Variants in PCDHGA5 observed in about 807,000 individuals in gnomAD.
PCDHGA5 encodes the protein protocadherin gamma-A5.
Under a neutral mutation model 56.7 loss-of-function variants are expected in PCDHGA5, and 36 were observed. That is an observed-to-expected ratio of 0.64 (90% CI 0.49 to 0.84). PCDHGA5 has a LOEUF of 0.84. Ranked by LOEUF, PCDHGA5 falls within the 40% of genes least tolerant of loss-of-function variation. PCDHGA5 has a pLI of 0.00. For synonymous variants in PCDHGA5, 563 were observed against 520.2 expected (o/e 1.08, Z -1.12); for missense variants, 1,305 against 1,201.5 (o/e 1.09, Z -1.27).
chr5:141,420,525 C>T (rs895355117), intron 1 of PCDHGA5: 2 of 358,086 alleles, frequency 5.6e-6, no homozygotes, highest in South Asian at 2.1e-4. Flanking sequence ...AAATACCTTT[C>T]GGTTAAAAAT....
chr5:141,420,080 C>T (rs754438863), intron 1 of PCDHGA5: 2 of 1,614,010 alleles, frequency 1.2e-6, no homozygotes, highest in Non-Finnish European at 1.7e-6. Context: ...TGTGGGTCCC[C>T]CCAACTACAG....
At chr5:141,454,331 T>G (rs1244660733) in intron 1 of PCDHGA5, among the ~76,000 whole-genome samples, 1 of 152,180 alleles carries the variant, frequency 6.6e-6, no homozygotes, top group Non-Finnish European at 1.5e-5. Context: ...CAAGAATAAA[T>G]AAAATGTTGG....
chr5:141,399,465 G>A, intron 1 of PCDHGA5: 1 of 1,614,014 alleles, frequency 6.2e-7, no homozygotes, highest in Non-Finnish European at 8.5e-7. Context: ...ATAACGCTCC[G>A]GTTTTCCACC....
At position 141,489,481 on chromosome 5, in the gene PCDHGA5, A is replaced by C; in HGVS notation, c.2422-5326A>C. 6.2e-7 allele frequency: 1 copy of C among 1,614,040 alleles called. No homozygotes were observed. The highest frequency in any genetic ancestry group is 8.5e-7 in the Non-Finnish European group (1 of 1,180,004). ...GCGCTATTTTTCCCTGAGCTTGATG[A>C]GTGGTGCCCTGGCAGTGAATCAAAA... is the stretch of plus-strand genomic sequence containing the variant. On this transcript the variant is annotated intron_variant, in intron 1 of 3. Transcript: ENST00000518069. The surrounding 1 kb of genome is among the most constrained non-coding windows in gnomAD (Gnocchi z 4.5).
At chr5:141,441,368 G>A (rs1215599443) in intron 1 of PCDHGA5, 2 of 152,598 alleles carry the variant, frequency 1.3e-5, no homozygotes, top group African/African-American at 2.4e-5. Flanking sequence ...TGGGGCCGTG[G>A]ACCAGGAACA....
chr5:141,366,041 G>C lies in PCDHGA5; in HGVS notation c.1711G>C (p.Gly571Arg). Residue 571 changes from glycine (G) to arginine (R), a missense_variant, in exon 1 of 4, where the codon GGT (glycine) becomes CGT (arginine). Gly to Arg is a moderately radical substitution (Grantham distance 125). Transcript: ENST00000518069. Reference protein sequence around the residue: ...EILYPALPTDGSTGVELAPRS... With the variant: ...EILYPALPTDRSTGVELAPRS... ...CCTGTACCCCGCCCTCCCCACAGAC[G>C]GTTCCACGGGCGTGGAGCTGGCGCC... is the stretch of plus-strand genomic sequence containing the variant. The C allele has an allele frequency of 6.2e-7, 1 of 1,614,232 alleles. No individual in the cohort carries two copies. The highest frequency in any genetic ancestry group is 8.5e-7 in the Non-Finnish European group (1 of 1,180,038).
Position 141,366,052 on chromosome 5 carries a change from C to A in PCDHGA5, c.1722C>A (p.Gly574=), listed in dbSNP as rs1237553025. The change falls in exon 1 of 4, where the codon GGC becomes GGA. Residue 574 remains glycine, a synonymous_variant. Coordinates refer to ENST00000518069, the MANE Select transcript of PCDHGA5 (RefSeq NM_018918.3). ...YPALPTDGST[G]VELAPRSAEP... is the part of the protein sequence containing the mutation. ...CCCTCCCCACAGACGGTTCCACGGG[C>A]GTGGAGCTGGCGCCTCGCTCCGCAG... 1.2e-6 allele frequency: 2 copies of A among 1,614,248 alleles called. No homozygotes were observed. The highest frequency in any genetic ancestry group is 1.7e-5 in the Admixed American group (1 of 60,038).
At position 141,511,127 on chromosome 5, in the gene PCDHGA5, G is replaced by C; in HGVS notation, c.2750G>C (p.Gly917Ala). 1 of 1,614,194 alleles carries C rather than the reference G, an allele frequency of 6.2e-7. No individual in the cohort carries two copies. Among genetic ancestry groups the C allele is most frequent in the Non-Finnish European group, 8.5e-7 (1 of 1,180,018 alleles). The change falls in exon 4 of 4, where the codon GGT becomes GCT. Residue 917 changes from glycine to alanine, a missense_variant. Coordinates refer to ENST00000518069, the MANE Select transcript of PCDHGA5 (RefSeq NM_018918.3). ...AGKRDGKAPA[G>A]GNGNKKKSGK... ...AAGCGGGATGGCAAGGCCCCAGCAG[G>C]TGGCAATGGCAACAAGAAGAAGTCG...
intron 1 of PCDHGA5, chr5:141,421,647 G>C: frequency 6.2e-7 from 1 of 1,613,872 alleles, no homozygotes; most frequent in South Asian, 1.1e-5. Context: ...ACGAAGTGGA[G>C]ATAAAAGTCA....
Position 141,364,613 on chromosome 5 carries a change from C to G in PCDHGA5, c.283C>G (p.Leu95Val), listed in dbSNP as rs776128638. 7 of 1,614,052 alleles carry G rather than the reference C, an allele frequency of 4.3e-6. No homozygotes were observed. The East Asian group carries it at 1.6e-4, about 36-fold the overall frequency. The change falls in exon 1 of 4, where the codon CTC becomes GTC. Residue 95 changes from leucine to valine, a missense_variant. By Grantham distance (32) the Leu-to-Val change is conservative. Coordinates refer to ENST00000518069, the MANE Select transcript of PCDHGA5 (RefSeq NM_018918.3). The part of the protein sequence containing the change: ...VTAGRIDREE[L>V]CAQSPLCVVN... ...CGCGGGCAGGATAGACCGGGAGGAGCTCTGCGCTCAGAGCCCACTGTGTGT... is the reference window on the plus strand; with the variant it reads ...CGCGGGCAGGATAGACCGGGAGGAGGTCTGCGCTCAGAGCCCACTGTGTGT...
intron 1 of PCDHGA5, chr5:141,372,088 C>G: frequency 1.9e-6 from 3 of 1,613,762 alleles, no homozygotes; most frequent in Non-Finnish European, 2.5e-6. Flanking sequence ...GTGCTGTACC[C>G]AGCTCTGGGG....
intron 1 of PCDHGA5, chr5:141,389,183 T>C: frequency 6.2e-7 from 1 of 1,613,988 alleles, no homozygotes. Context: ...TCTCCTCCAG[T>C]TCCAGCATCA....
In PCDHGA5 at chr5:141,485,636, G is replaced by A. The variant is rs371040974; in HGVS notation, c.2422-9171G>A. The A allele has an allele frequency of 6.2e-7, 1 of 1,611,922 alleles. No homozygotes were observed. The highest frequency in any genetic ancestry group is 1.1e-5 in the South Asian group (1 of 90,964). On this transcript the variant is annotated intron_variant, in intron 1 of 3. Transcript: ENST00000518069. This position sits in a 1 kb window ranked among gnomAD's most constrained non-coding sequence, Gnocchi z 5.7. ...TCCTCCAGGACAGCGTTTCCCGTTG[G>A]AAAAGGCTCAGGATGCAGATGTGGG...
intron 1 of PCDHGA5, among the ~76,000 whole-genome samples, chr5:141,460,709 A>G (rs2098995845): frequency 6.6e-6 from 1 of 151,794 alleles, no homozygotes; most frequent in Non-Finnish European, 1.5e-5. Flanking sequence ...ATGAGAATAA[A>G]CTATTGTTAT....
At chr5:141,502,483 G>A (rs773081419) in intron 2 of PCDHGA5, among the ~76,000 whole-genome samples, 42 of 152,144 alleles carry the variant, frequency 2.8e-4, no homozygotes, top group Non-Finnish European at 4.7e-4. Context: ...GCATCACACT[G>A]GGACTCATCT....
At position 141,410,285 on chromosome 5, in the gene PCDHGA5, G is replaced by T. The variant is rs746596172; in HGVS notation, c.2421+43534G>T. 7 of 1,614,010 alleles carry T rather than the reference G, an allele frequency of 4.3e-6. No homozygotes were observed. The Admixed American group carries it at 1.2e-4, about 27-fold the overall frequency. ...TGAACTGCAGTTTTACCTGGTGGTGGCCTTGGCCTTAATCTCAGTGCTCTT... is the reference window on the plus strand; with the variant it reads ...TGAACTGCAGTTTTACCTGGTGGTGTCCTTGGCCTTAATCTCAGTGCTCTT... On this transcript the variant is annotated intron_variant, in intron 1 of 3. Coordinates refer to ENST00000518069, the MANE Select transcript of PCDHGA5 (RefSeq NM_018918.3).
chr5:141,456,550 C>T (rs1017343381), intron 1 of PCDHGA5, among the ~76,000 whole-genome samples: 2 of 152,166 alleles, frequency 1.3e-5, no homozygotes, highest in African/African-American at 4.8e-5. Context: ...TGTAGCCACT[C>T]GGGGCTGAAG....
At chr5:141,385,055 G>A (rs773905363) in intron 1 of PCDHGA5, 3 of 1,614,182 alleles carry the variant, frequency 1.9e-6, no homozygotes, top group South Asian at 1.1e-5. Context: ...CTGCGGCGCT[G>A]GCACAAGTCA....
chr5:141,445,252 A>G (rs2098461096), intron 1 of PCDHGA5, among the ~76,000 whole-genome samples: 1 of 152,224 alleles, frequency 6.6e-6, no homozygotes, highest in Non-Finnish European at 1.5e-5. Context: ...ATATTGTGTG[A>G]GAATATAAGT....
Sources: gnomAD v4.1 joint callset for allele counts (sites outside exome capture counted in the v4.1 genomes callset) on GRCh38, gnomAD v4.1.1 for gene constraint, Gnocchi (gnomAD v3.1) non-coding constraint, MANE v1.5 for transcripts, NCBI Gene and HGNC (gene_info 2026-07-23, HGNC 2026-07-21) for gene names.